The following LRP1B variants were observed in gnomAD, a reference collection of about 807,000 sequenced individuals.
The protein encoded by LRP1B is LDL receptor related protein 1B.
Under a neutral mutation model 556.6 loss-of-function variants are expected in LRP1B, and 217 were observed. That is an observed-to-expected ratio of 0.39 (90% CI 0.35 to 0.44). LRP1B has a LOEUF of 0.44. Ranked by LOEUF, LRP1B falls within the 20% of genes least tolerant of loss-of-function variation. The probability of loss-of-function intolerance (pLI) is 1.00; values close to 1 mark genes in which losing one functional copy is unlikely to be tolerated. For missense variants in LRP1B, 5,053 were observed against 5,620.8 expected (o/e 0.90, Z 3.23); for synonymous variants, 2,047 against 1,865.8 (o/e 1.10, Z -2.50).
chr2:142,017,940 A>G (rs572996653), intron 1 of LRP1B, among the ~76,000 whole-genome samples: 1 of 136,318 alleles, frequency 7.3e-6, no homozygotes, highest in Non-Finnish European at 1.5e-5. Context: ...GTGCTCATCT[A>G]TCTACTGACA....
At chr2:140,569,937 T>C (rs1357313463) in intron 43 of LRP1B, among the ~76,000 whole-genome samples, 3 of 151,858 alleles carry the variant, frequency 2.0e-5, no homozygotes, top group Admixed American at 6.6e-5. Context: ...GAATGACCAT[T>C]GGGTTAATAA....
chr2:140,392,815 T>C (rs1684080613), intron 66 of LRP1B, among the ~76,000 whole-genome samples: 1 of 152,226 alleles, frequency 6.6e-6, no homozygotes, highest in South Asian at 2.1e-4. Flanking sequence ...CATGCTTTCA[T>C]GTTTTCTGTA....
chr2:141,947,019 C>A (rs546359955), intron 1 of LRP1B, among the ~76,000 whole-genome samples: 5 of 152,072 alleles, frequency 3.3e-5, no homozygotes, highest in African/African-American at 1.2e-4. Flanking sequence ...ATTTGCAAAG[C>A]AGGTTTGTGG....
chr2:141,313,312 C>T (rs1459420453), intron 3 of LRP1B, among the ~76,000 whole-genome samples: 1 of 151,098 alleles, frequency 6.6e-6, no homozygotes, highest in Non-Finnish European at 1.5e-5. Context: ...AGAGTTCTGC[C>T]ACATGCATAC....
At chr2:141,983,188 A>G (rs938927024) in intron 1 of LRP1B, among the ~76,000 whole-genome samples, 3 of 151,440 alleles carry the variant, frequency 2.0e-5, no homozygotes, top group Admixed American at 2.0e-4. Flanking sequence ...TAGAAAAAAT[A>G]TCTCACTTCA....
At chr2:140,573,212 T>C (rs559052760) in intron 43 of LRP1B, among the ~76,000 whole-genome samples, 62 of 152,018 alleles carry the variant, frequency 4.1e-4, no homozygotes, top group African/African-American at 1.3e-3. Context: ...CATTACATAC[T>C]GTATACATGT....
In LRP1B at chr2:140,541,109, G is replaced by C. The variant is rs2105017496; in HGVS notation, c.7388-11C>G. Reference sequence around the variant, plus strand: ...ATGGAGAAAGTTCACCTACAATAAAGAGGGTGTATTGGTAACATTTTATAT... The same window carrying C: ...ATGGAGAAAGTTCACCTACAATAAACAGGGTGTATTGGTAACATTTTATAT... On this transcript the variant is annotated splice_polypyrimidine_tract_variant and intron_variant, in intron 44 of 90. Transcript: ENST00000389484. The C allele has an allele frequency of 6.2e-7, 1 of 1,601,954 alleles. No individual in the cohort carries two copies. Among genetic ancestry groups the C allele is most frequent in the South Asian group, 1.1e-5 (1 of 90,238 alleles).
chr2:140,679,300 T>C (rs150129930), intron 41 of LRP1B, among the ~76,000 whole-genome samples: 2 of 152,320 alleles, frequency 1.3e-5, no homozygotes, highest in East Asian at 3.9e-4. Flanking sequence ...AACTTCAATA[T>C]ATCAATTTAG....
intron 18 of LRP1B, among the ~76,000 whole-genome samples, chr2:140,959,275 ATCTT>A (rs1695965464): frequency 6.6e-6 from 1 of 151,624 alleles, no homozygotes; most frequent in South Asian, 2.1e-4. Flanking sequence ...ATTGGTGGTA[ATCTT>A]TCTTTAAGAG....
At chr2:141,138,645 A>G (rs903665453) in intron 7 of LRP1B, among the ~76,000 whole-genome samples, 1 of 151,904 alleles carries the variant, frequency 6.6e-6, no homozygotes, top group Non-Finnish European at 1.5e-5. Flanking sequence ...TGAACATAGC[A>G]TTGAAATATG....
chr2:140,834,331 C>T (rs1573780830), intron 31 of LRP1B, among the ~76,000 whole-genome samples: 1 of 152,296 alleles, frequency 6.6e-6, no homozygotes, highest in South Asian at 2.1e-4. Context: ...CCTCTGCCTG[C>T]TGAGTTCAAG....
chr2:141,598,559 G>A (rs1687605907), intron 2 of LRP1B, among the ~76,000 whole-genome samples: 1 of 152,048 alleles, frequency 6.6e-6, no homozygotes. Context: ...TCAGTGTTTA[G>A]TACGTCTTCC....
chr2:140,649,889 C>T (rs1424329243), intron 41 of LRP1B, among the ~76,000 whole-genome samples: 2 of 152,138 alleles, frequency 1.3e-5, no homozygotes, highest in Admixed American at 6.6e-5. Context: ...TATATTTGTG[C>T]TAATGTATCC....
At chr2:141,847,430 T>C (rs1697691577) in intron 1 of LRP1B, among the ~76,000 whole-genome samples, 1 of 151,560 alleles carries the variant, frequency 6.6e-6, no homozygotes, top group South Asian at 2.1e-4. Context: ...GTTTTTTGTA[T>C]CTAGACAACT....
At chr2:141,026,879 G>T (rs1013398252) in intron 11 of LRP1B, among the ~76,000 whole-genome samples, 6 of 152,070 alleles carry the variant, frequency 3.9e-5, no homozygotes, top group Non-Finnish European at 8.8e-5. Context: ...AGTTTAACTT[G>T]TACATCTACA....
rs368489800 is a variant in LRP1B at position 140,598,688 on chromosome 2, G to A, written c.7137C>T (p.Phe2379=). 3 of 1,613,728 alleles carry A rather than the reference G, an allele frequency of 1.9e-6. No homozygotes were observed. Among genetic ancestry groups the A allele is most frequent in the Non-Finnish European group, 2.5e-6 (3 of 1,179,810 alleles). Residue 2379 remains phenylalanine (F), a synonymous_variant, in exon 43 of 91, where the codon TTC becomes TTT. Coordinates refer to ENST00000389484, the MANE Select transcript of LRP1B (RefSeq NM_018557.3). ...TIDYRAEKLY[F]SDGSLGKIER... is the part of the protein sequence containing the mutation. ...CAATTTTTCCTAGACTGCCATCTGA[G>A]AAATACAGCTTCTCTGCACGGTAGT...
chr2:140,939,144 A>C (rs1280402880), intron 20 of LRP1B, among the ~76,000 whole-genome samples: 1 of 152,102 alleles, frequency 6.6e-6, no homozygotes, highest in Non-Finnish European at 1.5e-5. Flanking sequence ...CTGAGAGTCT[A>C]ATCAAATTTT....
intron 35 of LRP1B, among the ~76,000 whole-genome samples, chr2:140,722,769 C>G (rs1013371466): frequency 6.6e-6 from 1 of 152,132 alleles, no homozygotes; most frequent in Admixed American, 6.5e-5. Context: ...GGGGACCGGG[C>G]GCAGTGGCTC....
intron 1 of LRP1B, among the ~76,000 whole-genome samples, chr2:142,016,961 T>C (rs1703166644): frequency 6.6e-6 from 1 of 151,138 alleles, no homozygotes; most frequent in African/African-American, 2.4e-5. Flanking sequence ...TACATAATTG[T>C]ATGTGTGTGT....
Sources: allele counts gnomAD v4.1 joint callset (sites outside exome capture counted in the v4.1 genomes callset), GRCh38; gene constraint gnomAD v4.1.1; transcripts MANE v1.5; gene names NCBI Gene and HGNC (gene_info 2026-07-23, HGNC 2026-07-21).